The following MAGI2 variants were observed in gnomAD, a reference collection of about 807,000 sequenced individuals.
MAGI2 encodes membrane-associated guanylate kinase, WW and PDZ domain-containing protein 2.
A neutral mutation model predicts 133.3 loss-of-function variants in MAGI2; 35 were observed. The ratio of observed to expected loss-of-function variants is 0.26; its 90% CI spans 0.20 to 0.35. The LOEUF is 0.35. Ranked by LOEUF, MAGI2 falls within the 10% of genes least tolerant of loss-of-function variation. The pLI is 1.00. For synonymous variants in MAGI2, 729 were observed against 710.6 expected, an observed-to-expected ratio of 1.03 and a Z score of -0.41; for missense variants, 1,636 against 1,863.4, an observed-to-expected ratio of 0.88 and a Z score of 2.25.
chr7:78,986,170 C>T (rs1805246964), intron 2 of MAGI2, among the ~76,000 whole-genome samples: 1 of 152,064 alleles, frequency 6.6e-6, no homozygotes, highest in South Asian at 2.1e-4. Context: ...TTTCAAATTA[C>T]TTTTGCATGA....
At chr7:78,339,370 G>C (rs912161701) in intron 9 of MAGI2, among the ~76,000 whole-genome samples, 1 of 151,660 alleles carries the variant, frequency 6.6e-6, no homozygotes, top group Non-Finnish European at 1.5e-5. Flanking sequence ...TTGACTTTGT[G>C]GTTGAATAAA....
At chr7:78,519,351 A>C (rs1796305239) in intron 4 of MAGI2, among the ~76,000 whole-genome samples, 1 of 152,076 alleles carries the variant, frequency 6.6e-6, no homozygotes, top group South Asian at 2.1e-4. Flanking sequence ...CAGTGGGTGA[A>C]GGGCTGCCTG....
intron 2 of MAGI2, among the ~76,000 whole-genome samples, chr7:78,853,332 C>CTTTTTTTT (rs60580466): frequency 0.01 from 262 of 25,076 alleles, 98 homozygotes; most frequent in Middle Eastern, 0.056. Context: ...TCCATTCGTT[C>CTTTTTTTT]TTTTTTTTTT....
chr7:78,343,844 C>T lies in MAGI2; in HGVS notation c.1342G>A (p.Glu448Lys). 1 of 1,613,082 alleles carries T rather than the reference C, an allele frequency of 6.2e-7. No homozygotes were observed. Reference sequence around the variant, plus strand: ...ATCACACTTTTCACCTGCAGAAACTCATCAGGCTCGTCTCCACCAATGATG... The same window carrying T: ...ATCACACTTTTCACCTGCAGAAACTTATCAGGCTCGTCTCCACCAATGATG... ...FTIIGGDEPDEFLQVKSVIPD... is the reference protein window; with the variant it reads ...FTIIGGDEPDKFLQVKSVIPD... Residue 448 changes from glutamate (E) to lysine (K), a missense_variant, in exon 9 of 22, where the codon GAG becomes AAG. Physicochemically the swap from Glu to Lys is moderately conservative, Grantham distance 56. Transcript: ENST00000354212.
chr7:79,275,227 C>T (rs1215394615), intron 1 of MAGI2, among the ~76,000 whole-genome samples: 12 of 152,058 alleles, frequency 7.9e-5, no homozygotes, highest in Admixed American at 7.9e-4. Context: ...ATCATGAATT[C>T]CAAGGAAAAG....
chr7:79,452,522 C>G (rs542422150), intron 1 of MAGI2, among the ~76,000 whole-genome samples: 1 of 152,118 alleles, frequency 6.6e-6, no homozygotes, highest in Admixed American at 6.5e-5. Context: ...GGGACCCAGG[C>G]GCCCCCAGCC....
At chr7:78,523,858 A>T (rs1180844382) in intron 3 of MAGI2, among the ~76,000 whole-genome samples, 1 of 152,166 alleles carries the variant, frequency 6.6e-6, no homozygotes, top group African/African-American at 2.4e-5. Flanking sequence ...AAGCCATATC[A>T]AGGGGAAAGG....
At chr7:78,679,813 C>G (rs1298563162) in intron 2 of MAGI2, among the ~76,000 whole-genome samples, 1 of 152,020 alleles carries the variant, frequency 6.6e-6, no homozygotes, top group Non-Finnish European at 1.5e-5. Flanking sequence ...TTTAACAAAA[C>G]ATAAGGAAAT....
intron 1 of MAGI2, among the ~76,000 whole-genome samples, chr7:79,037,915 C>T (rs529691597): frequency 3.3e-5 from 5 of 152,236 alleles, no homozygotes; most frequent in African/African-American, 1.2e-4. Flanking sequence ...TAACATGTTC[C>T]TCTGTCCCTT....
Position 78,345,975 on chromosome 7 carries a change from T to A in MAGI2, c.1172A>T (p.Asn391Ile). 6.2e-7 allele frequency: 1 copy of A among 1,614,176 alleles called. No homozygotes were observed. Among genetic ancestry groups the A allele is most frequent in the Non-Finnish European group, 8.5e-7 (1 of 1,180,024 alleles). ...TGTTCCAAGTTCTGTGTGGGGCATG[T>A]TATGTTGCTGTAGCTTCCTTTTTGC... ...LEAKRKLQQH[N>I]MPHTELGTKP... is the part of the protein sequence containing the mutation. The change falls in exon 8 of 22, where the codon AAC (asparagine) becomes ATC (isoleucine). Residue 391 changes from asparagine to isoleucine, a missense_variant. By Grantham distance (149) the Asn-to-Ile change is moderately radical. Around this residue, in one of 5 missense-constraint regions of MAGI2, gnomAD observed 920 missense variants for 1,093.5 expected, o/e 0.84. Coordinates refer to ENST00000354212, the MANE Select transcript of MAGI2 (RefSeq NM_012301.4).
chr7:78,147,881 T>C (rs1308066010), intron 16 of MAGI2, among the ~76,000 whole-genome samples: 2 of 151,718 alleles, frequency 1.3e-5, no homozygotes, highest in Non-Finnish European at 2.9e-5. Flanking sequence ...ACTATGCACC[T>C]ATTGGAATGG....
At chr7:79,407,948 T>C (rs184495915) in intron 1 of MAGI2, among the ~76,000 whole-genome samples, 19 of 152,278 alleles carry the variant, frequency 1.2e-4, no homozygotes, top group African/African-American at 4.6e-4. Context: ...TAACCATAGA[T>C]AGTAGACTAA....
chr7:79,367,385 G>A (rs1842768402), intron 1 of MAGI2, among the ~76,000 whole-genome samples: 1 of 149,562 alleles, frequency 6.7e-6, no homozygotes, highest in African/African-American at 2.4e-5. Flanking sequence ...TTTTAATAGT[G>A]AGATAGTTTT....
At chr7:78,319,318 CA>C (rs372202955) in intron 9 of MAGI2, among the ~76,000 whole-genome samples, 7 of 150,650 alleles carry the variant, frequency 4.6e-5, no homozygotes, top group Non-Finnish European at 7.4e-5. Context: ...AACAAACAAA[CA>C]AAAAAACAGG....
At chr7:78,179,249 A>G (rs1826956370) in intron 13 of MAGI2, among the ~76,000 whole-genome samples, 1 of 152,260 alleles carries the variant, frequency 6.6e-6, no homozygotes, top group Non-Finnish European at 1.5e-5. Context: ...TTGCTTAAAC[A>G]GGATAGTTGT....
chr7:79,367,982 C>G (rs948529238), intron 1 of MAGI2, among the ~76,000 whole-genome samples: 1 of 151,226 alleles, frequency 6.6e-6, no homozygotes, highest in Non-Finnish European at 1.5e-5. Flanking sequence ...CACGCCTTGA[C>G]CCAAGCTTGT....
At chr7:78,645,496 T>G (rs1810777998) in intron 2 of MAGI2, among the ~76,000 whole-genome samples, 1 of 152,114 alleles carries the variant, frequency 6.6e-6, no homozygotes, top group Non-Finnish European at 1.5e-5. Flanking sequence ...CAAAGTTGAT[T>G]TAATATTCAA....
At chr7:78,105,386 G>T (rs1219389861) in intron 20 of MAGI2, among the ~76,000 whole-genome samples, 1 of 152,056 alleles carries the variant, frequency 6.6e-6, no homozygotes, top group African/African-American at 2.4e-5. Flanking sequence ...AGATTTGATA[G>T]GTCCTGGGGT....
chr7:79,010,817 G>T (rs1808009305), intron 1 of MAGI2: 1 of 151,966 alleles, frequency 6.6e-6, no homozygotes, highest in African/African-American at 2.4e-5. Context: ...TAAGACTGTA[G>T]ACAAGTATTA....
Sources: allele counts gnomAD v4.1 joint callset (sites outside exome capture counted in the v4.1 genomes callset), GRCh38; gene constraint gnomAD v4.1.1; regional missense constraint gnomAD v4.1.1; transcripts MANE v1.5; gene names NCBI Gene and HGNC (gene_info 2026-07-23, HGNC 2026-07-21).